DNAH9: variants seen among roughly 807,000 people sequenced by gnomAD.
DNAH9 encodes the protein DNAH9 variant protein.
In DNAH9, 345 loss-of-function variants were observed where a neutral mutation model predicts 471.6. The observed-to-expected ratio is 0.73, with a 90% confidence interval of 0.67 to 0.80. The LOEUF (loss-of-function observed/expected upper bound fraction) is 0.80. DNAH9 is among the 30% of genes least tolerant of loss of function. The pLI, the probability that DNAH9 is intolerant of heterozygous loss-of-function variation, is 0.00. For synonymous variants in DNAH9, 2,093 were observed against 2,123.6 expected (o/e 0.99, Z 0.40); for missense variants, 5,407 against 5,609.2 (o/e 0.96, Z 1.15).
At chr17:11,884,848 C>A (rs1484629350) in intron 56 of DNAH9, among the ~76,000 whole-genome samples, 2 of 152,050 alleles carry the variant, frequency 1.3e-5, no homozygotes, top group Non-Finnish European at 2.9e-5. Context: ...GGGAGACAGA[C>A]CCAACTTACA....
chr17:11,728,392 G>T (rs1419652525), intron 28 of DNAH9, among the ~76,000 whole-genome samples: 2 of 152,006 alleles, frequency 1.3e-5, no homozygotes, highest in African/African-American at 4.8e-5. Context: ...TCGCTTCTGG[G>T]GTGAGATTTT....
chr17:11,876,783 G>C (rs1031868956), intron 53 of DNAH9, among the ~76,000 whole-genome samples: 1 of 152,082 alleles, frequency 6.6e-6, no homozygotes, highest in African/African-American at 2.4e-5. Flanking sequence ...GCAGTGGTGC[G>C]ATCTCAGCTC....
At chr17:11,822,767 G>A in intron 47 of DNAH9, 34 bp from the exon 48 acceptor site, 1 of 1,611,470 alleles carries the variant, frequency 6.2e-7, no homozygotes, top group Non-Finnish European at 8.5e-7. Flanking sequence ...TTCAACACAA[G>A]ATAATCTTTT....
At chr17:11,643,831 G>A (rs749823041) in intron 10 of DNAH9, among the ~76,000 whole-genome samples, 3 of 152,178 alleles carry the variant, frequency 2.0e-5, no homozygotes, top group Admixed American at 6.5e-5. Context: ...CCTGTGCAGC[G>A]AGTGACTGTC....
chr17:11,843,744 CAAGAA>C (rs1567841673), intron 49 of DNAH9, among the ~76,000 whole-genome samples: 1 of 149,926 alleles, frequency 6.7e-6, no homozygotes, highest in Non-Finnish European at 1.5e-5. Flanking sequence ...AAATAATTGA[CAAGAA>C]AAACTTTCAG....
chr17:11,941,771 C>A (rs550100970), intron 66 of DNAH9, among the ~76,000 whole-genome samples: 1 of 151,684 alleles, frequency 6.6e-6, no homozygotes, highest in Non-Finnish European at 1.5e-5. Flanking sequence ...AGATGAATGA[C>A]AGATTAGATA....
At chr17:11,806,033 G>C (rs1307996121) in intron 43 of DNAH9, among the ~76,000 whole-genome samples, 2 of 152,048 alleles carry the variant, frequency 1.3e-5, no homozygotes, top group African/African-American at 4.8e-5. Context: ...CTCCCAGCCC[G>C]AGTTCCTATT....
chr17:11,615,080 G>A (rs901202395), intron 4 of DNAH9, among the ~76,000 whole-genome samples: 7 of 152,120 alleles, frequency 4.6e-5, no homozygotes, highest in Admixed American at 6.5e-5. Flanking sequence ...TTTAAACCTT[G>A]CACCCCCATT....
Position 11,932,862 on chromosome 17 carries a change from G to C in DNAH9, c.12297+657G>C, listed in dbSNP as rs1974565853. Among the ~76,000 whole-genome samples the C allele has an allele frequency of 6.6e-6, 1 of 152,202 alleles. No homozygotes were observed. Among genetic ancestry groups the C allele is most frequent in the African/African-American group, 2.4e-5 (1 of 41,450 alleles). ...GCAGGAAGAGACTTCACACTCGCCT[G>C]ATATAAGTTCCCAAACTTCGCTAAC... On this transcript the variant is annotated intron_variant, in intron 64 of 68. Transcript: ENST00000262442. This position sits in a 1 kb window ranked among gnomAD's most constrained non-coding sequence, Gnocchi z 4.3.
At chr17:11,708,004 CACACACACACAGAGAGAGAGAGAG>C (rs2074747957) in intron 26 of DNAH9, among the ~76,000 whole-genome samples, 2 of 49,006 alleles carry the variant, frequency 4.1e-5, no homozygotes, top group South Asian at 6.8e-4. Flanking sequence ...CACACACACA[CACACACACACAGAGAGAGAGAGAG>C]AGAGAGAGAG....
chr17:11,776,733 G>C (rs529586492), intron 38 of DNAH9, among the ~76,000 whole-genome samples: 3 of 152,114 alleles, frequency 2.0e-5, no homozygotes, highest in South Asian at 2.1e-4. Context: ...CTGATATCTA[G>C]AGCATATGGA....
intron 14 of DNAH9, among the ~76,000 whole-genome samples, chr17:11,664,272 G>A: frequency 6.6e-6 from 1 of 150,478 alleles, no homozygotes; most frequent in East Asian, 2.0e-4. Flanking sequence ...AGGAAGGAGG[G>A]GAGAGAGAGA....
rs12948277 is a variant in DNAH9 at position 11,721,155 on chromosome 17, G to A, written c.5709+1665G>A. On this transcript the variant is annotated intron_variant, in intron 27 of 68. Coordinates refer to ENST00000262442, the MANE Select transcript of DNAH9 (RefSeq NM_001372.4). ...GCAGGAAATGGTGAGTTGGCTAGGG[G>A]TCACTATGGCCATTTTACTCAATTC... Among the ~76,000 whole-genome samples, 5 of 151,664 alleles carry A rather than the reference G, an allele frequency of 3.3e-5. No individual in the cohort carries two copies. The South Asian group carries it at 8.3e-4, about 25-fold the overall frequency.
intron 67 of DNAH9, among the ~76,000 whole-genome samples, chr17:11,944,775 G>C (rs968483487): frequency 6.6e-6 from 1 of 152,144 alleles, no homozygotes; most frequent in East Asian, 1.9e-4. Flanking sequence ...CAACCTCTAA[G>C]GGTGGGGCCT....
At chr17:11,620,044 C>G in intron 6 of DNAH9, 1 of 460,986 alleles carries the variant, frequency 2.2e-6, no homozygotes, top group South Asian at 2.6e-5. Context: ...AACGCCTTCT[C>G]TACAAAAAAT....
intron 20 of DNAH9, 127 bp downstream of exon 20, chr17:11,690,563 C>T (rs894214915): frequency 9.3e-6 from 8 of 855,956 alleles, no homozygotes; most frequent in African/African-American, 3.4e-5. Context: ...CTTAAAGGCA[C>T]TTCCCACAGA....
intron 28 of DNAH9, among the ~76,000 whole-genome samples, chr17:11,735,047 G>T (rs918074445): frequency 2.0e-5 from 3 of 152,188 alleles, no homozygotes; most frequent in African/African-American, 7.2e-5. Context: ...CTTGGAGGTA[G>T]AGCTAAGAAT....
chr17:11,872,800 A>G (rs932170450), intron 52 of DNAH9, among the ~76,000 whole-genome samples: 13 of 152,266 alleles, frequency 8.5e-5, no homozygotes, highest in Non-Finnish European at 1.3e-4. Flanking sequence ...GGCGCCTGTA[A>G]TCCCAGCTAC....
intron 6 of DNAH9, chr17:11,620,032 A>C (rs1163133732): frequency 2.1e-6 from 1 of 487,432 alleles, no homozygotes; most frequent in Non-Finnish European, 3.7e-6. Context: ...CCAACATGGC[A>C]AAACGCCTTC....
Sources: allele counts gnomAD v4.1 joint callset (sites outside exome capture counted in the v4.1 genomes callset), GRCh38; gene constraint gnomAD v4.1.1; non-coding constraint Gnocchi (gnomAD v3.1); transcripts MANE v1.5; gene names NCBI Gene and HGNC (gene_info 2026-07-23, HGNC 2026-07-21).